Variants in RORA observed in about 807,000 individuals in gnomAD.
RORA encodes nuclear receptor ROR-alpha.
A neutral mutation model predicts 69.5 loss-of-function variants in RORA; 7 were observed. The observed-to-expected ratio is 0.10, with a 90% CI of 0.06 to 0.19. RORA has a LOEUF of 0.19. RORA is among the 10% of genes least tolerant of loss of function. RORA has a pLI of 1.00. For synonymous variants in RORA, 261 were observed against 240.8 expected, an observed-to-expected ratio of 1.08 and a Z score of -0.78; for missense variants, 457 against 663.0, an observed-to-expected ratio of 0.69 and a Z score of 3.41.
At chr15:60,679,957 T>C (rs960113924) in intron 1 of RORA, among the ~76,000 whole-genome samples, 1 of 152,130 alleles carries the variant, frequency 6.6e-6, no homozygotes, top group African/African-American at 2.4e-5. Flanking sequence ...TTTTAAATCA[T>C]GTTTGAGTTG....
rs368889930 is a variant in RORA at position 60,523,331 on chromosome 15, C to T, written c.282+8435G>A. Among the ~76,000 whole-genome samples the T allele has an allele frequency of 2.7e-4, 41 of 152,200 alleles. No homozygotes were observed. In the East Asian group the frequency reaches 7.1e-3, roughly 27 times the overall value. ...TAGTCTTTCCTCAGTTGTAACCATGCAGATAGATGTAGGAGTTCAGCAAAA... is the reference window on the plus strand; with the variant it reads ...TAGTCTTTCCTCAGTTGTAACCATGTAGATAGATGTAGGAGTTCAGCAAAA... On this transcript the variant is annotated intron_variant, in intron 3 of 10. Coordinates refer to ENST00000335670, the MANE Select transcript of RORA (RefSeq NM_134261.3).
chr15:61,212,778 C>T (rs1448163425), intron 1 of RORA, among the ~76,000 whole-genome samples: 3 of 152,066 alleles, frequency 2.0e-5, no homozygotes, highest in South Asian at 2.1e-4. Flanking sequence ...GTCATCGTAC[C>T]AATCCAAGCC....
At chr15:60,589,235 C>T (rs761923903) in intron 2 of RORA, among the ~76,000 whole-genome samples, 7 of 152,206 alleles carry the variant, frequency 4.6e-5, no homozygotes, top group African/African-American at 1.7e-4. Context: ...TTCTTCAAAA[C>T]TACAGAATCG....
chr15:60,752,089 T>C (rs911249940), intron 1 of RORA, among the ~76,000 whole-genome samples: 1 of 147,032 alleles, frequency 6.8e-6, no homozygotes, highest in Non-Finnish European at 1.5e-5. Flanking sequence ...TTTGACTTGC[T>C]AAAAAAAAAA....
chr15:60,630,955 C>T (rs569645950), intron 2 of RORA, among the ~76,000 whole-genome samples: 3 of 142,720 alleles, frequency 2.1e-5, no homozygotes, highest in Admixed American at 7.6e-5. Flanking sequence ...GGCACAATCT[C>T]GGCTCACTGC....
At chr15:61,115,462 A>G (rs2079042468) in intron 1 of RORA, among the ~76,000 whole-genome samples, 1 of 152,208 alleles carries the variant, frequency 6.6e-6, no homozygotes, top group African/African-American at 2.4e-5. Flanking sequence ...TCTTCTGACC[A>G]TGGAATTTCC....
At position 60,995,800 on chromosome 15, in the gene RORA, T is replaced by G. The variant is rs564202564; in HGVS notation, c.166+233253A>C. 2.0e-5 allele frequency among the ~76,000 whole-genome samples: 3 copies of G among 152,350 alleles called. No homozygotes were observed. The East Asian group carries it at 5.8e-4, about 29-fold the overall frequency. On this transcript the variant is annotated intron_variant, in intron 1 of 10. Coordinates refer to ENST00000335670, the MANE Select transcript of RORA (RefSeq NM_134261.3). The stretch of plus-strand genomic sequence containing the variant: ...CCACATATTTATGTCCTCATTGTTA[T>G]GTCCACCACAGAGTATGAATATGAA...
At chr15:60,829,955 T>C (rs1882575004) in intron 1 of RORA, among the ~76,000 whole-genome samples, 1 of 152,194 alleles carries the variant, frequency 6.6e-6, no homozygotes, top group South Asian at 2.1e-4. Flanking sequence ...TGGCATACAG[T>C]GGGAGCACAA....
chr15:60,652,123 T>A (rs1479842855), intron 2 of RORA, among the ~76,000 whole-genome samples: 7 of 151,888 alleles, frequency 4.6e-5, no homozygotes, highest in African/African-American at 7.3e-5. Flanking sequence ...TTTTTTTTTT[T>A]CCTCTAGAGT....
At chr15:60,501,120 A>G in intron 8 of RORA, 51 bp from the exon 9 acceptor site, 1 of 952,052 alleles carries the variant, frequency 1.1e-6, no homozygotes, top group Non-Finnish European at 1.6e-6. Flanking sequence ...TTGTCTTAGG[A>G]GAAAAACCTA....
chr15:60,687,306 T>A (rs2070764230), intron 1 of RORA, among the ~76,000 whole-genome samples: 1 of 152,146 alleles, frequency 6.6e-6, no homozygotes, highest in South Asian at 2.1e-4. Context: ...CCATAAAGAA[T>A]TTTTTAGAGT....
At chr15:61,143,503 A>C (rs1284737112) in intron 1 of RORA, among the ~76,000 whole-genome samples, 3 of 152,212 alleles carry the variant, frequency 2.0e-5, no homozygotes, top group Non-Finnish European at 4.4e-5. Flanking sequence ...CTGAAATATA[A>C]GGTTATTAAC....
chr15:60,798,368 TA>T (rs953499236), intron 1 of RORA, among the ~76,000 whole-genome samples: 1 of 152,074 alleles, frequency 6.6e-6, no homozygotes, highest in African/African-American at 2.4e-5. Flanking sequence ...AAAATGAGTT[TA>T]AAAAGCTTGT....
rs1343838030 is a variant in RORA, at chr15:60,498,992, A to G, written c.1407+900T>C. ...GTTCTAAGACCAAATACATACTACT[A>G]GCAATGGCACTGAAGGATATTAGCA... On this transcript the variant is annotated intron_variant, in intron 10 of 10. Coordinates refer to ENST00000335670, the MANE Select transcript of RORA (RefSeq NM_134261.3). Among the ~76,000 whole-genome samples the G allele has an allele frequency of 3.3e-5, 5 of 152,224 alleles. 1 individual carries two copies. The highest frequency in any genetic ancestry group is 4.1e-4 in the South Asian group (2 of 4,834).
chr15:60,997,497 T>C (rs1381186111), intron 1 of RORA, among the ~76,000 whole-genome samples: 1 of 152,212 alleles, frequency 6.6e-6, no homozygotes, highest in Non-Finnish European at 1.5e-5. Context: ...ATTAACTTTC[T>C]AGAAAGTAAT....
intron 1 of RORA, among the ~76,000 whole-genome samples, chr15:61,186,885 A>G (rs2079748563): frequency 6.6e-6 from 1 of 152,168 alleles, no homozygotes; most frequent in Admixed American, 6.5e-5. Context: ...TAAAATCAGG[A>G]GGAGTCACTA....
At position 60,514,778 on chromosome 15, in the gene RORA, A is replaced by G. The variant is rs2065809709; in HGVS notation, c.283-21T>C. The G allele has an allele frequency of 2.5e-6, 4 of 1,609,124 alleles. No homozygotes were observed. In the South Asian group the frequency reaches 3.3e-5, roughly 13 times the overall value. ...AAGCCCTGTGATATGGTTATAAAAT[A>G]TAAAACAGGTTAGTGTCAGAATGAG... On this transcript the variant is annotated intron_variant, in intron 3 of 10. Coordinates refer to ENST00000335670, the MANE Select transcript of RORA (RefSeq NM_134261.3).
At chr15:60,499,559 G>T (rs1214052281) in intron 10 of RORA, among the ~76,000 whole-genome samples, 3 of 152,088 alleles carry the variant, frequency 2.0e-5, no homozygotes, top group Non-Finnish European at 2.9e-5. Flanking sequence ...TAAATTCAAA[G>T]ATTATTTTTA....
At chr15:60,654,228 A>T (rs2070188487) in intron 2 of RORA, among the ~76,000 whole-genome samples, 1 of 152,194 alleles carries the variant, frequency 6.6e-6, no homozygotes, top group South Asian at 2.1e-4. Flanking sequence ...AACTGTTTTG[A>T]TTTGTACCCT....
Sources: gnomAD v4.1 joint callset for allele counts (sites outside exome capture counted in the v4.1 genomes callset) on GRCh38, gnomAD v4.1.1 for gene constraint, MANE v1.5 for transcripts, NCBI Gene and HGNC (gene_info 2026-07-23, HGNC 2026-07-21) for gene names.